Variants in TSC2 observed in about 807,000 individuals in gnomAD.
TSC2 encodes the protein TSC complex subunit 2.
TSC2 carries 29 observed loss-of-function variants against 202.2 expected under a neutral mutation model. The ratio of observed to expected loss-of-function variants is 0.14; its 90% confidence interval spans 0.11 to 0.20. The LOEUF is 0.20. Ranked by LOEUF, TSC2 falls within the 10% of genes least tolerant of loss-of-function variation. The pLI is 1.00. For synonymous variants in TSC2, 1,349 were observed against 1,044.0 expected (o/e 1.29, Z -5.63); for missense variants, 2,429 against 2,420.0 (o/e 1.00, Z -0.08).
At position 2,087,735 on chromosome 16, in the gene TSC2, G is replaced by A. The variant is rs2091019297; in HGVS notation, c.4990-128G>A. The A allele has an allele frequency of 1.9e-5, 23 of 1,196,290 alleles. No individual in the cohort carries two copies. In the South Asian group the frequency reaches 2.9e-4, roughly 15 times the overall value. The allele number at this position is 1,196,290 out of a possible 1,614,324, so 74.1% of individuals were successfully genotyped here. ...AGACAAACACAGCCCCGCTGCCAGA[G>A]GGGAAAGTTCAGGGGCAGATGCTGC... On this transcript the variant is annotated intron_variant, in intron 38 of 41. Transcript: ENST00000219476.
At chr16:2,053,822 G>A (rs904361041) in intron 4 of TSC2, 1 of 506,676 alleles carries the variant, frequency 2.0e-6, no homozygotes, top group Non-Finnish European at 3.9e-6. Context: ...TTCCATCTGT[G>A]CTGGTCTTGG....
At chr16:2,056,361 C>A in intron 7 of TSC2, 117 bp downstream of exon 7, 2 of 1,431,186 alleles carry the variant, frequency 1.4e-6, no homozygotes, top group Non-Finnish European at 1.9e-6. Context: ...GCAAGCTGCT[C>A]GGTCTCTCTG....
At chr16:2,063,164 C>A in intron 14 of TSC2, 111 bp downstream of exon 14, 1 of 1,284,336 alleles carries the variant, frequency 7.8e-7, no homozygotes, top group South Asian at 1.3e-5. Context: ...GGACTTCGGT[C>A]CTGCCGGACC....
chr16:2,068,345 T>C (rs1248655808), intron 16 of TSC2, among the ~76,000 whole-genome samples: 1 of 152,146 alleles, frequency 6.6e-6, no homozygotes, highest in East Asian at 1.9e-4. Context: ...TGGCCTGTTT[T>C]CATTTCTTTT....
In TSC2 at chr16:2,079,794, C is replaced by T; in HGVS notation, c.3397+125C>T. 3 of 955,256 alleles carry T rather than the reference C, an allele frequency of 3.1e-6. No individual in the cohort carries two copies. The highest frequency in any genetic ancestry group is 1.7e-5 in the South Asian group (1 of 60,292). 59.2% of individuals were successfully genotyped at this position (955,256 alleles called of 1,614,324 possible). A position where few individuals can be genotyped will look rare whatever the true frequency, so the allele number is the denominator to read the frequency against. ...GGCTGGCTTCAGGCCCGGCCCACGT[C>T]CTGACTCTGGGGTGAGCCTTCCACA... is the stretch of plus-strand genomic sequence containing the variant. On this transcript the variant is annotated intron_variant, in intron 29 of 41. Transcript: ENST00000219476. The surrounding 1 kb of genome is among the most constrained non-coding windows in gnomAD (Gnocchi z 4.6).
intron 17 of TSC2, 145 bp downstream of exon 17, chr16:2,070,723 CAG>C: frequency 7.3e-7 from 1 of 1,362,534 alleles, no homozygotes; most frequent in Admixed American, 2.1e-5. Context: ...ACTGTGGCCG[CAG>C]CCTCCCCAGT....
chr16:2,083,200 C>T (rs1244291253), intron 32 of TSC2: 1 of 458,584 alleles, frequency 2.2e-6, no homozygotes, highest in East Asian at 6.9e-5. Context: ...GCTTTGGGAC[C>T]TCCCACCCTC....
intron 9 of TSC2, among the ~76,000 whole-genome samples, chr16:2,058,390 C>T (rs1014874872): frequency 6.6e-6 from 1 of 152,256 alleles, no homozygotes; most frequent in African/African-American, 2.4e-5. Context: ...CTGTGGCTTT[C>T]CTTCTTGGCT....
rs796872464 is a variant in TSC2, at chr16:2,085,281, G to A, written c.4621G>A (p.Asp1541Asn). The A allele has an allele frequency of 3.1e-6, 5 of 1,612,626 alleles. No individual in the cohort carries two copies. The highest frequency in any genetic ancestry group is 4.2e-6 in the Non-Finnish European group (5 of 1,179,950). Residue 1541 changes from aspartate to asparagine, a missense_variant, in exon 36 of 42, where the codon GAC (aspartate) becomes AAC (asparagine). Transcript: ENST00000219476. ...VQLLDQIPSY[D>N]THKIAVLYVG... ...GCTCCTCGACCAGATCCCATCATAC[G>A]ACACCCACAAGATCGCCGTCCTGTA...
At position 2,080,202 on chromosome 16, in the gene TSC2, G is replaced by A. The variant is rs749633483; in HGVS notation, c.3435G>A (p.Pro1145=). 18 of 1,612,942 alleles carry A rather than the reference G, an allele frequency of 1.1e-5. No individual in the cohort carries two copies. Among genetic ancestry groups the A allele is most frequent in the Admixed American group, 3.3e-5 (2 of 60,034 alleles). Residue 1145 remains proline (P), a synonymous_variant, in exon 30 of 42, where the codon CCG becomes CCA. Coordinates refer to ENST00000219476, the MANE Select transcript of TSC2 (RefSeq NM_000548.5). ...HGLRVGALDV[P]ASQFLGSATS... ...TTCGAGTTGGCGCCCTGGACGTGCC[G>A]GCCTCCCAGTTCCTGGGCAGTGCCA...
intron 6 of TSC2, chr16:2,055,961 CT>C (rs1212435219): frequency 8.8e-6 from 5 of 570,794 alleles, no homozygotes; most frequent in Admixed American, 2.5e-5. Flanking sequence ...TCTTGGTTAT[CT>C]TTTTGTTGTT....
intron 30 of TSC2, 24 bp from the exon 31 acceptor site, chr16:2,081,571 C>T (rs954508555): frequency 6.2e-7 from 1 of 1,612,832 alleles, no homozygotes; most frequent in African/African-American, 1.3e-5. Context: ...TGGCCTCAGG[C>T]CAAAGGTGCT....
intron 11 of TSC2, chr16:2,061,496 GTTGTGGC>G: frequency 2.7e-6 from 1 of 377,002 alleles, no homozygotes; most frequent in Non-Finnish European, 5.1e-6. Flanking sequence ...AAGGCTTGTA[GTTGTGGC>G]TACTCTTGGC....
At chr16:2,053,694 C>T in intron 4 of TSC2, 1 of 650,116 alleles carries the variant, frequency 1.5e-6, no homozygotes, top group Non-Finnish European at 2.9e-6. Context: ...ATGGGATGTT[C>T]TGGGGATCAT....
At chr16:2,071,210 G>A (rs1354178195) in intron 17 of TSC2, among the ~76,000 whole-genome samples, 1 of 152,228 alleles carries the variant, frequency 6.6e-6, no homozygotes, top group African/African-American at 2.4e-5. Flanking sequence ...TTGGGGGCGT[G>A]TGGTGCTGCC....
intron 25 of TSC2, chr16:2,077,301 G>T (rs958241487): frequency 1.4e-5 from 6 of 425,190 alleles, no homozygotes; most frequent in Middle Eastern, 7.4e-4. Flanking sequence ...GGAATCTGCC[G>T]TGGGGGTGAC....
chr16:2,071,850 C>T lies in TSC2; in HGVS notation c.2013C>T (p.Gly671=), dbSNP rs566848799. The T allele has an allele frequency of 2.5e-6, 4 of 1,576,654 alleles. No individual in the cohort carries two copies. Among genetic ancestry groups the T allele is most frequent in the African/African-American group, 1.4e-5 (1 of 73,958 alleles). The change falls in exon 19 of 42, where the codon GGC becomes GGT. Residue 671 remains glycine (G), a synonymous_variant. Coordinates refer to ENST00000219476, the MANE Select transcript of TSC2 (RefSeq NM_000548.5). ...GPLSPPTGPP[G]PAPAGPAVRL... is the part of the protein sequence containing the mutation. ...TTTCTCCTCCCACAGGGCCTCCTGGCCCGGCGCCTGCAGGCCCCGCCGTGC... is the reference window on the plus strand; with the variant it reads ...TTTCTCCTCCCACAGGGCCTCCTGGTCCGGCGCCTGCAGGCCCCGCCGTGC...
chr16:2,060,402 C>T (rs774692431), intron 10 of TSC2, among the ~76,000 whole-genome samples: 27 of 152,288 alleles, frequency 1.8e-4, no homozygotes, highest in Middle Eastern at 3.4e-3. Context: ...GCTGGCCCAC[C>T]GGGTGCCCAG....
intron 9 of TSC2, among the ~76,000 whole-genome samples, chr16:2,057,670 C>T (rs572032986): frequency 8.9e-4 from 136 of 152,302 alleles, no homozygotes; most frequent in African/African-American, 3.2e-3. Flanking sequence ...CTTTTTCTGA[C>T]ACAGATATGT....
Sources: gnomAD v4.1 joint callset for allele counts (sites outside exome capture counted in the v4.1 genomes callset) on GRCh38, gnomAD v4.1.1 for gene constraint, Gnocchi (gnomAD v3.1) non-coding constraint, MANE v1.5 for transcripts, NCBI Gene and HGNC (gene_info 2026-07-23, HGNC 2026-07-21) for gene names.